Variants in PSD3 observed in about 807,000 individuals in gnomAD.
PSD3 encodes PH and SEC7 domain-containing protein 3.
A neutral mutation model predicts 105.5 loss-of-function variants in PSD3; 49 were observed. That is an observed-to-expected ratio of 0.46 (90% CI 0.37 to 0.59). PSD3 has a LOEUF of 0.59. Ranked by LOEUF, PSD3 falls within the 20% of genes least tolerant of loss-of-function variation. The probability of loss-of-function intolerance (pLI) is 0.00; values close to 1 mark genes in which losing one functional copy is unlikely to be tolerated. For missense variants in PSD3, 1,561 were observed against 1,263.8 expected (o/e 1.24, Z -3.57); for synonymous variants, 557 against 457.8 (o/e 1.22, Z -2.77).
chr8:18,965,223 G>T (rs1824164542), intron 1 of PSD3, among the ~76,000 whole-genome samples: 1 of 151,950 alleles, frequency 6.6e-6, no homozygotes, highest in Non-Finnish European at 1.5e-5. Flanking sequence ...TCATTCACTG[G>T]TCATTCAGAA....
chr8:18,939,584 G>C (rs1822389477), intron 1 of PSD3, among the ~76,000 whole-genome samples: 1 of 150,970 alleles, frequency 6.6e-6, no homozygotes, highest in South Asian at 2.1e-4. Context: ...TTGACCTCAA[G>C]CAATCCTCTT....
At chr8:18,880,259 G>A (rs1818024039) in intron 2 of PSD3, among the ~76,000 whole-genome samples, 1 of 152,058 alleles carries the variant, frequency 6.6e-6, no homozygotes, top group African/African-American at 2.4e-5. Context: ...TTGTAAAATA[G>A]GGCCTTAGAT....
At chr8:18,799,194 G>A in intron 8 of PSD3, 101 bp downstream of exon 8, 1 of 1,043,432 alleles carries the variant, frequency 9.6e-7, no homozygotes, top group South Asian at 1.3e-5. Flanking sequence ...GAACCATGTA[G>A]AGAATGGGAA....
intron 1 of PSD3, among the ~76,000 whole-genome samples, chr8:19,059,878 T>A (rs1008886168): frequency 2.4e-4 from 37 of 152,206 alleles, no homozygotes; most frequent in Non-Finnish European, 4.3e-4. Flanking sequence ...AGGCTCTGTC[T>A]TCTATAACCA....
chr8:18,584,331 A>G (rs963841075), intron 12 of PSD3, among the ~76,000 whole-genome samples: 1 of 152,210 alleles, frequency 6.6e-6, no homozygotes, highest in Non-Finnish European at 1.5e-5. Context: ...GGGTGAAGTC[A>G]TAACAGTTAG....
chr8:18,645,343 T>C (rs908491765), intron 10 of PSD3, among the ~76,000 whole-genome samples: 1 of 152,210 alleles, frequency 6.6e-6, no homozygotes. Context: ...AATTTAAAAA[T>C]ACTTTACTGT....
intron 1 of PSD3, among the ~76,000 whole-genome samples, chr8:18,966,414 T>C (rs1824247389): frequency 6.6e-6 from 1 of 151,814 alleles, no homozygotes; most frequent in African/African-American, 2.4e-5. Flanking sequence ...CTACTAAAAA[T>C]ACAAAAATTA....
intron 12 of PSD3, among the ~76,000 whole-genome samples, chr8:18,576,931 A>G (rs1802496626): frequency 6.7e-6 from 1 of 150,258 alleles, no homozygotes; most frequent in South Asian, 2.1e-4. Context: ...TTAAGCTTTT[A>G]TCTTAATTCC....
intron 3 of PSD3, among the ~76,000 whole-genome samples, chr8:18,870,057 G>T (rs1817221806): frequency 1.3e-5 from 2 of 152,132 alleles, no homozygotes; most frequent in South Asian, 4.1e-4. Context: ...ACATATCAAG[G>T]CCGCTTTGGA....
chr8:18,859,821 G>T (rs984537924), intron 4 of PSD3, among the ~76,000 whole-genome samples: 1 of 152,164 alleles, frequency 6.6e-6, no homozygotes, highest in African/African-American at 2.4e-5. Context: ...GAAACGTTGT[G>T]GCTGATTTGA....
chr8:18,807,697 G>A (rs1811323646), intron 4 of PSD3, among the ~76,000 whole-genome samples: 1 of 152,166 alleles, frequency 6.6e-6, no homozygotes, highest in African/African-American at 2.4e-5. Flanking sequence ...ACCTTGAACA[G>A]TTTCCCAATA....
intron 9 of PSD3, among the ~76,000 whole-genome samples, chr8:18,748,555 G>A (rs1032924822): frequency 4.6e-5 from 7 of 151,480 alleles, no homozygotes; most frequent in Non-Finnish European, 7.4e-5. Context: ...AGCTACTCAG[G>A]AGGCTGAGGC....
At chr8:18,720,468 G>A (rs924201913) in intron 9 of PSD3, among the ~76,000 whole-genome samples, 8 of 152,164 alleles carry the variant, frequency 5.3e-5, no homozygotes, top group East Asian at 1.9e-4. Flanking sequence ...AACAACAAAA[G>A]CAAACCTCTA....
chr8:18,652,679 G>A (rs1012026361), intron 10 of PSD3, among the ~76,000 whole-genome samples: 4 of 151,760 alleles, frequency 2.6e-5, no homozygotes, highest in African/African-American at 7.3e-5. Context: ...TGTATTTTTA[G>A]TAGAGATGAG....
intron 12 of PSD3, among the ~76,000 whole-genome samples, chr8:18,596,335 C>T (rs1022259949): frequency 2.0e-5 from 3 of 151,598 alleles, no homozygotes; most frequent in African/African-American, 7.3e-5. Context: ...TGTTTTTACA[C>T]CAGATAAAGT....
intron 9 of PSD3, chr8:18,683,848 T>C (rs374103808): frequency 2.4e-5 from 18 of 765,206 alleles, no homozygotes; most frequent in Middle Eastern, 4.5e-4. Flanking sequence ...TGCCGCCGGA[T>C]AGAATCCTCC....
chr8:19,082,560 C>T (rs988325451), intron 1 of PSD3, among the ~76,000 whole-genome samples: 17 of 152,170 alleles, frequency 1.1e-4, no homozygotes, highest in African/African-American at 2.9e-4. Flanking sequence ...GAGCAGATGT[C>T]GGGGTCCCAT....
intron 14 of PSD3, among the ~76,000 whole-genome samples, chr8:18,571,377 T>C (rs577967964): frequency 2.4e-4 from 35 of 146,628 alleles, no homozygotes; most frequent in African/African-American, 8.8e-4. Context: ...TGATGGCTCT[T>C]TTTCCTATCT....
intron 1 of PSD3, among the ~76,000 whole-genome samples, chr8:18,938,894 C>T (rs761427975): frequency 6.6e-5 from 10 of 152,128 alleles, no homozygotes; most frequent in Admixed American, 5.2e-4. Flanking sequence ...CGTGGCATTG[C>T]GGATGACTCC....
Sources: gnomAD v4.1 joint callset for allele counts (sites outside exome capture counted in the v4.1 genomes callset) on GRCh38, gnomAD v4.1.1 for gene constraint, MANE v1.5 for transcripts, NCBI Gene and HGNC (gene_info 2026-07-23, HGNC 2026-07-21) for gene names.